The following NLGN4X variants were observed in gnomAD, a reference collection of about 807,000 sequenced individuals.
NLGN4X encodes neuroligin-4, X-linked.
NLGN4X carries 3 observed loss-of-function variants against 40.3 expected under a neutral mutation model. The ratio of observed to expected loss-of-function variants is 0.07; its 90% CI spans 0.03 to 0.19. The LOEUF (loss-of-function observed/expected upper bound fraction) is 0.19. Among genes scored for constraint, NLGN4X ranks in the 10% least tolerant of loss-of-function variants. The probability of loss-of-function intolerance (pLI) is 1.00; values close to 1 mark genes in which losing one functional copy is unlikely to be tolerated. For missense variants in NLGN4X, 382 were observed against 708.3 expected, an observed-to-expected ratio of 0.54 and a Z score of 5.23; for synonymous variants, 270 against 306.8, an observed-to-expected ratio of 0.88 and a Z score of 1.25.
At chrX:6,012,616 T>C (rs1028626491) in intron 3 of NLGN4X, among the ~76,000 whole-genome samples, 3 of 111,416 alleles carry the variant, frequency 2.7e-5, no homozygotes, top group Non-Finnish European at 3.8e-5. Flanking sequence ...TATTTGAAAA[T>C]AGGGTCTTTG....
chrX:5,902,932 G>A (rs1289265616), intron 5 of NLGN4X, 145 bp downstream of exon 5: 5 of 648,354 alleles, frequency 7.7e-6, no homozygotes, highest in African/African-American at 4.4e-5. Flanking sequence ...GTGTGTAAGC[G>A]TGTGTCTGTG....
At chrX:6,111,976 C>A (rs2039158460) in intron 2 of NLGN4X, among the ~76,000 whole-genome samples, 1 of 111,756 alleles carries the variant, frequency 8.9e-6, no homozygotes. Flanking sequence ...AAGCTAGAGT[C>A]ATGAACAAAT....
At position 5,890,817 on chromosome X, in the gene NLGN4X, T is replaced by C. The variant is rs958397820; in HGVS notation, c.*2000A>G. On this transcript the variant is annotated 3_prime_UTR_variant, in exon 6 of 6. Coordinates refer to ENST00000381095, the MANE Select transcript of NLGN4X (RefSeq NM_181332.3). ...AGCAATAGGATTTGGGGGTGACTTG[T>C]ACGCATTTCTAAAAACACTTTTCTT... 10 of 305,403 alleles carry C rather than the reference T, an allele frequency of 3.3e-5. No individual in the cohort carries two copies. Among genetic ancestry groups the C allele is most frequent in the African/African-American group, 2.5e-4 (9 of 36,708 alleles). The allele number at this position is 305,403 out of a possible 1,213,427, so 25.2% of individuals were successfully genotyped here.
chrX:6,171,104 G>A (rs5915653), intron 1 of NLGN4X, among the ~76,000 whole-genome samples: 3,242 of 112,300 alleles, frequency 0.029, 42 homozygotes, highest in Middle Eastern at 0.065. Context: ...GATTACAGGC[G>A]TGAGCCACTA....
intron 3 of NLGN4X, among the ~76,000 whole-genome samples, chrX:5,926,534 C>A (rs914335182): frequency 1.8e-5 from 2 of 109,792 alleles, no homozygotes; most frequent in African/African-American, 3.3e-5. Context: ...CAGGAAAATG[C>A]GATCGTGGCC....
chrX:5,905,833 T>G (rs2032142806), intron 4 of NLGN4X, among the ~76,000 whole-genome samples: 1 of 111,773 alleles, frequency 8.9e-6, no homozygotes, highest in South Asian at 3.8e-4. Flanking sequence ...ATGCGTCTCT[T>G]TTTTGTAGAG....
At chrX:6,001,466 C>T (rs1379047999) in intron 3 of NLGN4X, among the ~76,000 whole-genome samples, 1 of 112,100 alleles carries the variant, frequency 8.9e-6, no homozygotes, top group Non-Finnish European at 1.9e-5. Flanking sequence ...TTCTTTAGAG[C>T]AAATTGCTGA....
At chrX:6,021,000 T>TTTTC (rs1306742830) in intron 3 of NLGN4X, among the ~76,000 whole-genome samples, 5 of 50,350 alleles carry the variant, frequency 9.9e-5, no homozygotes, top group East Asian at 1.3e-3. Context: ...TCCTTCCTTC[T>TTTTC]TTTCTCTCTC....
intron 3 of NLGN4X, among the ~76,000 whole-genome samples, chrX:5,980,154 A>G (rs1487246668): frequency 1.9e-5 from 2 of 106,333 alleles, no homozygotes; most frequent in Non-Finnish European, 1.9e-5. Context: ...TATTGTATAT[A>G]TAGTATATAA....
At chrX:5,947,704 G>A (rs902418824) in intron 3 of NLGN4X, among the ~76,000 whole-genome samples, 7 of 112,161 alleles carry the variant, frequency 6.2e-5, no homozygotes, top group African/African-American at 2.3e-4. Flanking sequence ...TTACGTGGAT[G>A]TAAAGACATT....
chrX:6,131,341 G>T (rs1306118078), intron 2 of NLGN4X, among the ~76,000 whole-genome samples: 1 of 111,890 alleles, frequency 8.9e-6, no homozygotes, highest in Non-Finnish European at 1.9e-5. Context: ...CCAATGGTCA[G>T]CTTGTTCCCT....
intron 1 of NLGN4X, among the ~76,000 whole-genome samples, chrX:6,158,640 T>A (rs773164836): frequency 1.8e-5 from 2 of 112,462 alleles, no homozygotes; most frequent in African/African-American, 3.2e-5. Context: ...CCCCATTTTT[T>A]TTTCTTCAAC....
chrX:5,943,278 A>G (rs771621989), intron 3 of NLGN4X, among the ~76,000 whole-genome samples: 3 of 111,357 alleles, frequency 2.7e-5, no homozygotes, highest in Admixed American at 9.5e-5. Context: ...AGGAACCTCA[A>G]CCCCATGGAA....
At chrX:5,987,317 G>A (rs761856673) in intron 3 of NLGN4X, among the ~76,000 whole-genome samples, 78 of 112,510 alleles carry the variant, frequency 6.9e-4, no homozygotes, top group East Asian at 1.4e-3. Flanking sequence ...AAAATATAAA[G>A]AAAAGCATGG....
chrX:6,096,579 G>A (rs905064996), intron 2 of NLGN4X, among the ~76,000 whole-genome samples: 2 of 111,735 alleles, frequency 1.8e-5, no homozygotes, highest in Non-Finnish European at 3.8e-5. Flanking sequence ...ACTCCTCAAA[G>A]GCCACTTGAA....
intron 1 of NLGN4X, among the ~76,000 whole-genome samples, chrX:6,175,292 T>C (rs189764249): frequency 9.0e-6 from 1 of 111,282 alleles, no homozygotes; most frequent in East Asian, 2.8e-4. Context: ...GAGTATAGTA[T>C]AAAATTATCT....
intron 2 of NLGN4X, among the ~76,000 whole-genome samples, chrX:6,032,116 C>A (rs1177257501): frequency 2.1e-5 from 2 of 93,614 alleles, no homozygotes; most frequent in African/African-American, 8.1e-5. Context: ...GGCTCGTTAA[C>A]AACAGCATCT....
intron 1 of NLGN4X, among the ~76,000 whole-genome samples, chrX:6,201,494 G>A (rs1923611362): frequency 8.9e-6 from 1 of 112,034 alleles, no homozygotes; most frequent in South Asian, 3.7e-4. Flanking sequence ...TGAAGATGAA[G>A]AAAGAATAGC....
intron 3 of NLGN4X, among the ~76,000 whole-genome samples, chrX:5,975,000 T>C (rs2035132500): frequency 9.0e-6 from 1 of 111,612 alleles, no homozygotes; most frequent in African/African-American, 3.3e-5. Flanking sequence ...AGGCAGTCTC[T>C]ACAGCATGAA....
Sources: allele counts gnomAD v4.1 joint callset (sites outside exome capture counted in the v4.1 genomes callset), GRCh38; gene constraint gnomAD v4.1.1; transcripts MANE v1.5; gene names NCBI Gene and HGNC (gene_info 2026-07-23, HGNC 2026-07-21).